The following PTPRT variants were observed in gnomAD, a reference collection of about 807,000 sequenced individuals.
PTPRT encodes receptor-type tyrosine-protein phosphatase T.
In PTPRT, 56 loss-of-function variants were observed where a neutral mutation model predicts 176.8. The ratio of observed to expected loss-of-function variants is 0.32; its 90% CI spans 0.26 to 0.40. PTPRT has a LOEUF of 0.40. PTPRT is among the 10% of genes least tolerant of loss of function. The pLI, the probability that PTPRT is intolerant of heterozygous loss-of-function variation, is 1.00. For synonymous variants in PTPRT, 783 were observed against 739.0 expected (o/e 1.06, Z -0.96); for missense variants, 1,540 against 1,908.2 (o/e 0.81, Z 3.60).
chr20:43,078,425 A>AT (rs1016351466), intron 1 of PTPRT, among the ~76,000 whole-genome samples: 11 of 152,038 alleles, frequency 7.2e-5, no homozygotes, highest in African/African-American at 2.4e-4. Context: ...CATCCAGGTG[A>AT]TTTTTTTTCT....
chr20:42,968,972 A>G (rs950988805), intron 1 of PTPRT: 3 of 152,250 alleles, frequency 2.0e-5, no homozygotes, highest in African/African-American at 7.2e-5. Context: ...TGGAATCCAC[A>G]CACACAGTTT....
At chr20:42,833,478 C>T (rs925463618) in intron 2 of PTPRT, among the ~76,000 whole-genome samples, 18 of 151,650 alleles carry the variant, frequency 1.2e-4, no homozygotes, top group African/African-American at 4.4e-4. Context: ...ACTCAGAAGG[C>T]TGAGGCAGGA....
At chr20:42,304,576 C>T (rs144080751) in intron 12 of PTPRT, among the ~76,000 whole-genome samples, 1 of 152,210 alleles carries the variant, frequency 6.6e-6, no homozygotes, top group East Asian at 1.9e-4. Context: ...ACAATCTATG[C>T]AACAGGAAAG....
At chr20:42,048,005 G>T in the PTPRT span, among the ~76,000 whole-genome samples, 1 of 152,104 alleles carries the variant, frequency 6.6e-6, no homozygotes, top group Non-Finnish European at 1.5e-5. Context: ...CTCCTGACTT[G>T]GCGCTGGAGA....
chr20:42,636,001 G>A (rs1446896051), intron 7 of PTPRT, among the ~76,000 whole-genome samples: 1 of 152,154 alleles, frequency 6.6e-6, no homozygotes, highest in African/African-American at 2.4e-5. Context: ...TTTAAGGAAA[G>A]TCACCGAGTT....
intron 12 of PTPRT, among the ~76,000 whole-genome samples, chr20:42,300,745 T>G (rs2145308410): frequency 6.7e-6 from 1 of 149,368 alleles, no homozygotes; most frequent in East Asian, 1.9e-4. Context: ...TTGGCAAACA[T>G]CTTTTTATTT....
At chr20:42,611,714 A>C (rs1278024928) in intron 7 of PTPRT, among the ~76,000 whole-genome samples, 1 of 152,188 alleles carries the variant, frequency 6.6e-6, no homozygotes, top group African/African-American at 2.4e-5. Context: ...CTTGAGATGG[A>C]ACCATCCCCT....
intron 7 of PTPRT, among the ~76,000 whole-genome samples, chr20:42,613,269 T>C (rs1203772862): frequency 6.6e-6 from 1 of 152,214 alleles, no homozygotes; most frequent in Non-Finnish European, 1.5e-5. Context: ...ACAGCAGCTG[T>C]CCATATGATT....
At chr20:42,696,229 C>A (rs1426080952) in intron 6 of PTPRT, among the ~76,000 whole-genome samples, 1 of 151,034 alleles carries the variant, frequency 6.6e-6, no homozygotes, top group Non-Finnish European at 1.5e-5. Context: ...TTCCCCTGAT[C>A]TCTTTTTTCC....
At chr20:43,091,238 A>AG (rs2011838289) in intron 1 of PTPRT, among the ~76,000 whole-genome samples, 1 of 152,108 alleles carries the variant, frequency 6.6e-6, no homozygotes, top group Non-Finnish European at 1.5e-5. Context: ...CAAAAAAAAA[A>AG]CAAACCCTGA....
chr20:42,628,224 G>A (rs1198337055), intron 7 of PTPRT, among the ~76,000 whole-genome samples: 1 of 152,134 alleles, frequency 6.6e-6, no homozygotes, highest in African/African-American at 2.4e-5. Context: ...GGAGGCAGAG[G>A]GAAGGTAGGA....
At chr20:42,109,852 G>GCAA (rs1182948615) in intron 23 of PTPRT, among the ~76,000 whole-genome samples, 3 of 152,076 alleles carry the variant, frequency 2.0e-5, no homozygotes, top group South Asian at 2.1e-4. Flanking sequence ...CTGTTTTCAG[G>GCAA]CAACAACAGT....
chr20:42,409,570 C>A (rs138499411), intron 9 of PTPRT, among the ~76,000 whole-genome samples: 1 of 148,834 alleles, frequency 6.7e-6, no homozygotes, highest in Non-Finnish European at 1.5e-5. Flanking sequence ...TATAAAAGTG[C>A]CAATAGGTTG....
At chr20:43,011,136 C>T (rs187540450) in intron 1 of PTPRT, among the ~76,000 whole-genome samples, 4 of 152,332 alleles carry the variant, frequency 2.6e-5, no homozygotes, top group African/African-American at 9.6e-5. Context: ...CACTTCTTCA[C>T]TCATTCATTC....
At chr20:42,630,886 T>C (rs752037879) in intron 7 of PTPRT, among the ~76,000 whole-genome samples, 4 of 152,144 alleles carry the variant, frequency 2.6e-5, no homozygotes, top group Non-Finnish European at 2.9e-5. Flanking sequence ...GTGTGGAGTT[T>C]GGCACCACAG....
intron 5 of PTPRT, among the ~76,000 whole-genome samples, chr20:42,770,613 T>C (rs1206040863): frequency 1.3e-5 from 2 of 152,162 alleles, no homozygotes; most frequent in Admixed American, 6.5e-5. Flanking sequence ...AACCAAAGAA[T>C]AGACAGATTG....
At chr20:42,347,682 A>G (rs2058215176) in intron 11 of PTPRT, among the ~76,000 whole-genome samples, 1 of 152,198 alleles carries the variant, frequency 6.6e-6, no homozygotes, top group Non-Finnish European at 1.5e-5. Flanking sequence ...AGTCTCCCAC[A>G]TCACGACATT....
At chr20:42,348,370 T>TTTATTTATTTA (rs1555830098) in intron 11 of PTPRT, among the ~76,000 whole-genome samples, 1 of 146,526 alleles carries the variant, frequency 6.8e-6, no homozygotes, top group Non-Finnish European at 1.5e-5. Context: ...GTGACATTTC[T>TTTATTTATTTA]TTTATTTATT....
chr20:43,093,704 T>C (rs1050503453), intron 1 of PTPRT, among the ~76,000 whole-genome samples: 1 of 152,188 alleles, frequency 6.6e-6, no homozygotes, highest in African/African-American at 2.4e-5. Flanking sequence ...CCATTACACT[T>C]ATGGAATGAA....
Sources: allele counts gnomAD v4.1 joint callset (sites outside exome capture counted in the v4.1 genomes callset), GRCh38; gene constraint gnomAD v4.1.1; transcripts MANE v1.5; gene names NCBI Gene and HGNC (gene_info 2026-07-23, HGNC 2026-07-21).